The following CDH18 variants were observed in gnomAD, a reference collection of about 807,000 sequenced individuals.
CDH18 encodes cadherin-18.
Under a neutral mutation model 67.9 loss-of-function variants are expected in CDH18, and 31 were observed. The ratio of observed to expected loss-of-function variants is 0.46; its 90% CI spans 0.34 to 0.62. The LOEUF is 0.62. Ranked by LOEUF, CDH18 falls within the 20% of genes least tolerant of loss-of-function variation. CDH18 has a pLI of 0.01. For missense variants in CDH18, 890 were observed against 975.5 expected, an observed-to-expected ratio of 0.91 and a Z score of 1.17; for synonymous variants, 362 against 347.2, an observed-to-expected ratio of 1.04 and a Z score of -0.48.
intron 1 of CDH18, among the ~76,000 whole-genome samples, chr5:20,419,279 C>T (rs1404741711): frequency 6.6e-6 from 1 of 151,982 alleles, no homozygotes. Flanking sequence ...AATTAAACCT[C>T]TTTTTCTACC....
intron 11 of CDH18, among the ~76,000 whole-genome samples, chr5:19,485,325 G>A (rs1017204897): frequency 2.7e-5 from 4 of 150,912 alleles, no homozygotes; most frequent in South Asian, 4.2e-4. Context: ...GCGCCACCTC[G>A]GCTCACTGCA....
chr5:19,664,061 A>T (rs1757570911), intron 5 of CDH18, among the ~76,000 whole-genome samples: 1 of 151,934 alleles, frequency 6.6e-6, no homozygotes, highest in Admixed American at 6.6e-5. Context: ...AATCCCTGTG[A>T]ACTAAATTGG....
At chr5:20,071,199 T>A (rs1441208957) in intron 2 of CDH18, among the ~76,000 whole-genome samples, 2 of 152,120 alleles carry the variant, frequency 1.3e-5, no homozygotes, top group African/African-American at 4.8e-5. Flanking sequence ...AATATCTTTA[T>A]GTTTTGTGCA....
intron 5 of CDH18, among the ~76,000 whole-genome samples, chr5:19,704,167 TC>T (rs765113457): frequency 2.4e-4 from 37 of 152,280 alleles, no homozygotes; most frequent in Non-Finnish European, 4.1e-4. Context: ...CTGATAAATG[TC>T]CTACCTGTGA....
intron 1 of CDH18, among the ~76,000 whole-genome samples, chr5:20,323,953 C>T (rs1008781141): frequency 6.6e-6 from 1 of 152,168 alleles, no homozygotes; most frequent in African/African-American, 2.4e-5. Context: ...TTATGGAAAG[C>T]AGGTCACTTA....
At chr5:20,413,417 C>A (rs1041676089) in intron 1 of CDH18, among the ~76,000 whole-genome samples, 1 of 152,188 alleles carries the variant, frequency 6.6e-6, no homozygotes, top group Non-Finnish European at 1.5e-5. Context: ...AACTAGTTTA[C>A]ACTCCCACCA....
chr5:19,856,858 C>A (rs1161565340), intron 2 of CDH18, among the ~76,000 whole-genome samples: 1 of 152,052 alleles, frequency 6.6e-6, no homozygotes, highest in Non-Finnish European at 1.5e-5. Context: ...TATGGCAGCC[C>A]TAGCAAATGA....
rs34628568 is a variant in CDH18, at chr5:19,713,105, ATTT to A, written c.643+8239_643+8241del. Among the ~76,000 whole-genome samples, 3 of 150,870 alleles carry A rather than the reference ATTT, an allele frequency of 2.0e-5. No individual in the cohort carries two copies. In the Admixed American group the frequency reaches 2.0e-4, roughly 10 times the overall value. ...TATTGGCTAAACAATAATTCCCAGT[ATTT>A]TTTTTTTCTCAATAGTTACTATTGA... is the stretch of plus-strand genomic sequence containing the variant. On this transcript the variant is annotated intron_variant, in intron 5 of 12. Coordinates refer to ENST00000382275, the MANE Select transcript of CDH18 (RefSeq NM_004934.5).
rs1053325410 is a variant in CDH18 at position 19,874,554 on chromosome 5, T to C, written c.-256-35312A>G. 2.6e-5 allele frequency among the ~76,000 whole-genome samples: 4 copies of C among 152,348 alleles called. No homozygotes were observed. The East Asian group carries it at 7.7e-4, about 29-fold the overall frequency. On this transcript the variant is annotated intron_variant, in intron 2 of 12. Coordinates refer to ENST00000382275, the MANE Select transcript of CDH18 (RefSeq NM_004934.5). ...AGTCTACATTTAACATCATAGTTTATAATAAACTTGCTTTCTTCCTCTTAC... is the reference window on the plus strand; with the variant it reads ...AGTCTACATTTAACATCATAGTTTACAATAAACTTGCTTTCTTCCTCTTAC...
chr5:19,927,962 T>C (rs1793272722), intron 2 of CDH18, among the ~76,000 whole-genome samples: 1 of 152,184 alleles, frequency 6.6e-6, no homozygotes, highest in Non-Finnish European at 1.5e-5. Flanking sequence ...AGAGATTCCA[T>C]GTCTATTAAA....
At chr5:19,851,434 C>CCAAAAAAAAAAAA (rs1783679629) in intron 2 of CDH18, among the ~76,000 whole-genome samples, 1 of 144,904 alleles carries the variant, frequency 6.9e-6, no homozygotes. Context: ...AAAAAAAAAA[C>CCAAAAAAAAAAAA]AAACCCAAAA....
At chr5:20,301,732 G>A (rs1735925072) in intron 1 of CDH18, among the ~76,000 whole-genome samples, 1 of 149,524 alleles carries the variant, frequency 6.7e-6, no homozygotes, top group African/African-American at 2.4e-5. Flanking sequence ...TAGTAATGTA[G>A]AATATTAGTT....
At chr5:19,877,190 TCA>T (rs539795511) in intron 2 of CDH18, among the ~76,000 whole-genome samples, 128 of 152,216 alleles carry the variant, frequency 8.4e-4, no homozygotes, top group African/African-American at 3.0e-3. Flanking sequence ...TGGTAAGATT[TCA>T]TTTTGGCTAA....
intron 2 of CDH18, among the ~76,000 whole-genome samples, chr5:20,242,603 A>ATATATAT (rs1561905746): frequency 1.1e-5 from 1 of 88,568 alleles, no homozygotes; most frequent in African/African-American, 6.1e-5. Flanking sequence ...AGGGAAAAAA[A>ATATATAT]AAAAAAAAAT....
In CDH18 at chr5:20,026,801, A is replaced by T. The variant is rs867391334; in HGVS notation, c.-517-34787T>A. Among the ~76,000 whole-genome samples the T allele has an allele frequency of 5.3e-4, 80 of 152,220 alleles. 1 individual carries two copies. Among genetic ancestry groups the T allele is most frequent in the Admixed American group, 4.2e-3 (64 of 15,286 alleles). ...GTGAATCCCTGTCTCTACTAAAAAT[A>T]CAAAAATTAGCCGGGCATGGTGGTG... On this transcript the variant is annotated intron_variant, in intron 2 of 14. Coordinates refer to the CDH18 transcript ENST00000507958.
chr5:20,010,047 T>A (rs1323913895), intron 2 of CDH18, among the ~76,000 whole-genome samples: 1 of 152,044 alleles, frequency 6.6e-6, no homozygotes, highest in African/African-American at 2.4e-5. Flanking sequence ...TGCGGGATGC[T>A]TTCTTTCCTC....
intron 8 of CDH18, among the ~76,000 whole-genome samples, chr5:19,552,744 A>G (rs1324637147): frequency 6.6e-6 from 1 of 152,154 alleles, no homozygotes; most frequent in Non-Finnish European, 1.5e-5. Context: ...TTAGCCCTCT[A>G]ACTGGACAAG....
Position 19,745,240 on chromosome 5 carries a change from G to A in CDH18, c.523+1702C>T, listed in dbSNP as rs920410735. ...AATCCATATATTGACTTTCTTTGTTGTTGTTATTTACTTATTTGTTTAAAG... is the reference window on the plus strand; with the variant it reads ...AATCCATATATTGACTTTCTTTGTTATTGTTATTTACTTATTTGTTTAAAG... On this transcript the variant is annotated intron_variant, in intron 4 of 12. Transcript: ENST00000382275. Among the ~76,000 whole-genome samples, 41 of 152,240 alleles carry A rather than the reference G, an allele frequency of 2.7e-4. 1 individual carries two copies. Among genetic ancestry groups the A allele is most frequent in the African/African-American group, 9.9e-4 (41 of 41,550 alleles).
chr5:19,936,709 T>C (rs1579683829), intron 2 of CDH18, among the ~76,000 whole-genome samples: 1 of 151,258 alleles, frequency 6.6e-6, no homozygotes, highest in African/African-American at 2.4e-5. Flanking sequence ...AATATATTTC[T>C]TGAAGTTTTA....
Sources: gnomAD v4.1 joint callset for allele counts (sites outside exome capture counted in the v4.1 genomes callset) on GRCh38, gnomAD v4.1.1 for gene constraint, MANE v1.5 for transcripts, NCBI Gene and HGNC (gene_info 2026-07-23, HGNC 2026-07-21) for gene names.